PDE3A: variants seen among roughly 807,000 people sequenced by gnomAD.
The protein encoded by PDE3A is cGMP-inhibited 3',5'-cyclic phosphodiesterase 3A.
PDE3A carries 43 observed loss-of-function variants against 98.3 expected under a neutral mutation model. The ratio of observed to expected loss-of-function variants is 0.44; its 90% confidence interval spans 0.34 to 0.56. PDE3A has a LOEUF of 0.56. Among genes scored for constraint, PDE3A ranks in the 20% least tolerant of loss-of-function variants. The probability of loss-of-function intolerance (pLI) is 0.01; values close to 1 mark genes in which losing one functional copy is unlikely to be tolerated. For synonymous variants in PDE3A, 663 were observed against 567.9 expected (o/e 1.17, Z -2.38); for missense variants, 1,427 against 1,440.7 (o/e 0.99, Z 0.15).
intron 10 of PDE3A, among the ~76,000 whole-genome samples, chr12:20,645,215 G>T (rs1944749113): frequency 6.6e-6 from 1 of 151,978 alleles, no homozygotes; most frequent in Non-Finnish European, 1.5e-5. Flanking sequence ...AAGCTCTTCT[G>T]ATGAGATCTT....
chr12:20,542,511 C>G (rs1422249946), intron 1 of PDE3A, among the ~76,000 whole-genome samples: 1 of 151,040 alleles, frequency 6.6e-6, no homozygotes, highest in Non-Finnish European at 1.5e-5. Context: ...TATTTTAGGC[C>G]CATAAATGTA....
chr12:20,665,959 C>CTTTTTTTT (rs35859257), intron 15 of PDE3A, among the ~76,000 whole-genome samples: 25 of 94,988 alleles, frequency 2.6e-4, no homozygotes, highest in South Asian at 3.4e-4. Flanking sequence ...TTTGTCATTT[C>CTTTTTTTT]TTTTTTTTTT....
intron 1 of PDE3A, among the ~76,000 whole-genome samples, chr12:20,503,520 A>G (rs903444328): frequency 3.3e-5 from 5 of 152,132 alleles, no homozygotes; most frequent in African/African-American, 1.2e-4. Context: ...GTCAGAAACC[A>G]TTCAGGAGAA....
intron 15 of PDE3A, among the ~76,000 whole-genome samples, chr12:20,661,427 A>G (rs1174818711): frequency 3.3e-5 from 5 of 152,230 alleles, no homozygotes; most frequent in Admixed American, 6.5e-5. Context: ...CCAACTGTTA[A>G]TCCCCAAGAC....
At chr12:20,455,453 T>C (rs192817154) in intron 1 of PDE3A, among the ~76,000 whole-genome samples, 261 of 152,322 alleles carry the variant, frequency 1.7e-3, no homozygotes, top group African/African-American at 5.8e-3. Context: ...CAGAGCTCTT[T>C]AGTTTAATTA....
intron 1 of PDE3A, among the ~76,000 whole-genome samples, chr12:20,516,230 C>A (rs1211855674): frequency 2.0e-5 from 3 of 152,048 alleles, no homozygotes; most frequent in Admixed American, 6.5e-5. Context: ...TTTGAGTATT[C>A]ATTTTGGTGA....
At chr12:20,493,845 G>T (rs1027724415) in intron 1 of PDE3A, among the ~76,000 whole-genome samples, 1 of 152,150 alleles carries the variant, frequency 6.6e-6, no homozygotes, top group Non-Finnish European at 1.5e-5. Context: ...GGTCAGGCTG[G>T]TCTCGAACTC....
intron 14 of PDE3A, among the ~76,000 whole-genome samples, chr12:20,652,394 A>T (rs1944940296): frequency 6.6e-6 from 1 of 152,142 alleles, no homozygotes; most frequent in East Asian, 1.9e-4. Flanking sequence ...AACAGTGTAA[A>T]AGTGTTCCTA....
chr12:20,530,903 A>G (rs1946614019), intron 1 of PDE3A, among the ~76,000 whole-genome samples: 1 of 152,172 alleles, frequency 6.6e-6, no homozygotes, highest in Admixed American at 6.6e-5. Context: ...CTTTATAGTA[A>G]GCTCAAACTG....
At chr12:20,537,587 T>C (rs1941779232) in intron 1 of PDE3A, among the ~76,000 whole-genome samples, 1 of 152,130 alleles carries the variant, frequency 6.6e-6, no homozygotes. Context: ...TGCTCTGTGG[T>C]ACACAAGATG....
intron 3 of PDE3A, 39 bp downstream of exon 3, chr12:20,613,739 T>G: frequency 6.7e-7 from 1 of 1,495,706 alleles, no homozygotes; most frequent in Non-Finnish European, 9.3e-7. Context: ...GGTTAAACTA[T>G]TTTTTTTAAT....
chr12:20,428,491 C>T (rs1944639694), intron 1 of PDE3A, among the ~76,000 whole-genome samples: 1 of 152,170 alleles, frequency 6.6e-6, no homozygotes, highest in East Asian at 1.9e-4. Flanking sequence ...CCGTGTTTGC[C>T]AGGATGGTCT....
intron 1 of PDE3A, among the ~76,000 whole-genome samples, chr12:20,524,648 G>A (rs1210134968): frequency 1.3e-5 from 2 of 151,496 alleles, no homozygotes; most frequent in Non-Finnish European, 2.9e-5. Context: ...TTTATATATA[G>A]CTATATATCT....
chr12:20,386,896 A>G (rs542795139), intron 1 of PDE3A, among the ~76,000 whole-genome samples: 5 of 152,156 alleles, frequency 3.3e-5, no homozygotes, highest in African/African-American at 1.2e-4. Flanking sequence ...TAGGGTTTTT[A>G]TAGTTTTTGG....
intron 1 of PDE3A, among the ~76,000 whole-genome samples, chr12:20,480,046 A>G (rs907385313): frequency 6.6e-6 from 1 of 152,154 alleles, no homozygotes; most frequent in Admixed American, 6.6e-5. Context: ...TCTTTTGCCT[A>G]TGGGGCCAGC....
At chr12:20,414,731 T>A (rs895555719) in intron 1 of PDE3A, among the ~76,000 whole-genome samples, 7 of 152,338 alleles carry the variant, frequency 4.6e-5, no homozygotes, top group South Asian at 2.1e-4. Context: ...AGATAGAGAC[T>A]CAGTTATTTG....
chr12:20,377,045 C>A (rs1261124767), intron 1 of PDE3A, among the ~76,000 whole-genome samples: 1 of 151,370 alleles, frequency 6.6e-6, no homozygotes, highest in Non-Finnish European at 1.5e-5. Context: ...TTACAGGGGG[C>A]ACATATTGTT....
chr12:20,556,280 G>T (rs565018955), intron 1 of PDE3A, among the ~76,000 whole-genome samples: 1 of 151,922 alleles, frequency 6.6e-6, no homozygotes, highest in African/African-American at 2.4e-5. Context: ...TGGCCTTCTG[G>T]TTCTTATCAT....
chr12:20,427,215 G>C (rs1944615100), intron 1 of PDE3A, among the ~76,000 whole-genome samples: 1 of 152,200 alleles, frequency 6.6e-6, no homozygotes, highest in South Asian at 2.1e-4. Context: ...GTTGGGAACT[G>C]ATCAGAGAAA....
Sources: allele counts gnomAD v4.1 joint callset (sites outside exome capture counted in the v4.1 genomes callset), GRCh38; gene constraint gnomAD v4.1.1; transcripts MANE v1.5; gene names NCBI Gene and HGNC (gene_info 2026-07-23, HGNC 2026-07-21).